The following GNAL variants were observed in gnomAD, a reference collection of about 807,000 sequenced individuals.
GNAL encodes G protein subunit alpha L.
A neutral mutation model predicts 55.1 loss-of-function variants in GNAL; 18 were observed. The observed-to-expected ratio is 0.33, with a 90% CI of 0.23 to 0.48. The LOEUF is 0.48. Among genes scored for constraint, GNAL ranks in the 20% least tolerant of loss-of-function variants. The pLI, the probability that GNAL is intolerant of heterozygous loss-of-function variation, is 0.99. For missense variants in GNAL, 412 were observed against 614.1 expected, an observed-to-expected ratio of 0.67 and a Z score of 3.48; for synonymous variants, 253 against 237.0, an observed-to-expected ratio of 1.07 and a Z score of -0.62.
intron 1 of GNAL, among the ~76,000 whole-genome samples, chr18:11,696,178 C>T (rs2031404950): frequency 1.3e-5 from 2 of 152,148 alleles, no homozygotes; most frequent in Admixed American, 6.5e-5. Context: ...AGTACTCTGG[C>T]TATTCCTTAT....
intron 5 of GNAL, among the ~76,000 whole-genome samples, chr18:11,832,161 G>T (rs989670571): frequency 2.0e-5 from 3 of 152,294 alleles, no homozygotes; most frequent in Non-Finnish European, 2.9e-5. Flanking sequence ...AAATCAGAGA[G>T]AATTGGATCT....
chr18:11,811,071 T>A (rs7240842), intron 4 of GNAL, among the ~76,000 whole-genome samples: 8,927 of 152,242 alleles, frequency 0.059, 412 homozygotes, highest in African/African-American at 0.12. Context: ...TTTCCTTTAC[T>A]TACCATGTGT....
At chr18:11,727,569 G>C (rs1011492529) in intron 1 of GNAL, among the ~76,000 whole-genome samples, 2 of 152,206 alleles carry the variant, frequency 1.3e-5, no homozygotes, top group African/African-American at 4.8e-5. Flanking sequence ...TGATAAGCCT[G>C]AAACTCAAAG....
intron 4 of GNAL, among the ~76,000 whole-genome samples, chr18:11,818,289 A>G (rs2035010280): frequency 6.6e-6 from 1 of 152,174 alleles, no homozygotes; most frequent in African/African-American, 2.4e-5. Flanking sequence ...TTTTAACTTG[A>G]TATTCACCAG....
intron 1 of GNAL, among the ~76,000 whole-genome samples, chr18:11,695,922 G>GCACGCACGCGCACACA (rs968123360): frequency 2.9e-4 from 39 of 136,100 alleles, no homozygotes; most frequent in African/African-American, 1.2e-3. Context: ...ATGCACGCAT[G>GCACGCACGCGCACACA]CACACACACA....
intron 1 of GNAL, among the ~76,000 whole-genome samples, chr18:11,711,491 T>C (rs891920202): frequency 1.3e-5 from 2 of 152,208 alleles, no homozygotes; most frequent in African/African-American, 4.8e-5. Context: ...TCAGGTCTGC[T>C]CTTGAGCCCT....
At chr18:11,862,336 C>G (rs2036165962) in intron 5 of GNAL, 59 bp from the exon 6 acceptor site, 1 of 1,391,578 alleles carries the variant, frequency 7.2e-7, no homozygotes, top group African/African-American at 1.4e-5. Context: ...AATTTCTCCC[C>G]AACCCCAGGG....
chr18:11,855,818 C>A (rs2035993162), intron 5 of GNAL, among the ~76,000 whole-genome samples: 2 of 151,872 alleles, frequency 1.3e-5, no homozygotes. Context: ...ACTAAAAATA[C>A]AAAATTAGCC....
chr18:11,725,387 A>G (rs1167500443), intron 1 of GNAL, among the ~76,000 whole-genome samples: 2 of 152,186 alleles, frequency 1.3e-5, no homozygotes, highest in African/African-American at 4.8e-5. Context: ...AGAAGAGACT[A>G]ACTCTGCTGA....
At chr18:11,862,214 G>C (rs2036162908) in intron 5 of GNAL, among the ~76,000 whole-genome samples, 181 bp from the exon 6 acceptor site, 1 of 151,908 alleles carries the variant, frequency 6.6e-6, no homozygotes, top group African/African-American at 2.4e-5. Context: ...TCCCTCCCTG[G>C]GTCAAGAATG....
Position 11,689,720 on chromosome 18 carries a change from C to G in GNAL, c.157C>G (p.Leu53Val). The G allele has an allele frequency of 6.7e-7, 1 of 1,497,602 alleles. No individual in the cohort carries two copies. Among genetic ancestry groups the G allele is most frequent in the Non-Finnish European group, 8.9e-7 (1 of 1,128,214 alleles). 92.8% of individuals were successfully genotyped at this position (1,497,602 alleles called of 1,614,324 possible). Residue 53 changes from leucine (L) to valine (V), a missense_variant, in exon 1 of 12, where the codon CTC (leucine) becomes GTC (valine). By Grantham distance (32) the Leu-to-Val change is conservative. This residue lies in a region of GNAL where 228 missense variants were observed against 194.8 expected (regional missense o/e 1.17). Transcript: ENST00000334049. The part of the protein sequence containing the change: ...AAARDTARTL[L>V]PRGGEGSPAC... ...CGCAAGGGACACGGCCCGGACCCTGCTCCCTCGGGGCGGCGAAGGGAGCCC... is the reference window on the plus strand; with the variant it reads ...CGCAAGGGACACGGCCCGGACCCTGGTCCCTCGGGGCGGCGAAGGGAGCCC...
chr18:11,774,799 A>G (rs1441044851), intron 4 of GNAL, among the ~76,000 whole-genome samples: 1 of 152,208 alleles, frequency 6.6e-6, no homozygotes. Flanking sequence ...TGCAGCTACA[A>G]GCTTGGTGTG....
intron 4 of GNAL, among the ~76,000 whole-genome samples, chr18:11,807,302 C>T (rs60509547): frequency 6.6e-6 from 1 of 152,088 alleles, no homozygotes; most frequent in Non-Finnish European, 1.5e-5. Flanking sequence ...ATGGTTTCAA[C>T]GATTCACTGG....
chr18:11,863,081 G>A (rs989161018), intron 6 of GNAL, among the ~76,000 whole-genome samples: 2 of 152,084 alleles, frequency 1.3e-5, no homozygotes, highest in African/African-American at 4.8e-5. Context: ...GTTTTGCCAT[G>A]TTGGCCAGAC....
At chr18:11,739,716 C>T (rs2032535483) in intron 1 of GNAL, among the ~76,000 whole-genome samples, 1 of 151,870 alleles carries the variant, frequency 6.6e-6, no homozygotes, top group Non-Finnish European at 1.5e-5. Flanking sequence ...CTGGCTAGAG[C>T]ACTGCATACA....
At chr18:11,869,686 G>A (rs2036350179) in intron 9 of GNAL, among the ~76,000 whole-genome samples, 1 of 152,128 alleles carries the variant, frequency 6.6e-6, no homozygotes, top group Non-Finnish European at 1.5e-5. Context: ...GCTGAGACGG[G>A]GGAATTGCTT....
chr18:11,782,941 CA>C (rs2033960705), intron 4 of GNAL, among the ~76,000 whole-genome samples: 1 of 152,146 alleles, frequency 6.6e-6, no homozygotes, highest in South Asian at 2.1e-4. Context: ...TGATAGGTGA[CA>C]ATGCTTCAAG....
intron 4 of GNAL, among the ~76,000 whole-genome samples, chr18:11,795,774 G>C (rs2034362667): frequency 6.6e-6 from 1 of 152,210 alleles, no homozygotes. Flanking sequence ...TCCTCCAGAG[G>C]TCCCTTGGCT....
At chr18:11,746,032 G>A (rs978921987) in intron 1 of GNAL, 5 of 341,772 alleles carry the variant, frequency 1.5e-5, no homozygotes, top group East Asian at 6.8e-5. Context: ...GTTTAAAGCC[G>A]TAACAGAAGA....
Sources: allele counts gnomAD v4.1 joint callset (sites outside exome capture counted in the v4.1 genomes callset), GRCh38; gene constraint gnomAD v4.1.1; regional missense constraint gnomAD v4.1.1; transcripts MANE v1.5; gene names NCBI Gene and HGNC (gene_info 2026-07-23, HGNC 2026-07-21).